PPP3R1: variants seen among roughly 807,000 people sequenced by gnomAD.
PPP3R1 encodes the protein protein phosphatase 3 regulatory subunit B, alpha.
In PPP3R1, 5 loss-of-function variants were observed where a neutral mutation model predicts 22.6. The ratio of observed to expected loss-of-function variants is 0.22; its 90% CI spans 0.12 to 0.46. The LOEUF is 0.46. Among genes scored for constraint, PPP3R1 ranks in the 20% least tolerant of loss-of-function variants. The pLI is 0.99. For synonymous variants in PPP3R1, 56 were observed against 65.2 expected (o/e 0.86, Z 0.68); for missense variants, 61 against 203.2 (o/e 0.30, Z 4.25).
At chr2:68,182,158 C>T (rs1433254061) in intron 5 of PPP3R1, among the ~76,000 whole-genome samples, 1 of 140,020 alleles carries the variant, frequency 7.1e-6, no homozygotes, top group Non-Finnish European at 1.5e-5. Context: ...TCTTTCGTGT[C>T]TAGCTTCTCT....
At chr2:68,199,929 T>C (rs1405370804) in intron 2 of PPP3R1, among the ~76,000 whole-genome samples, 2 of 152,176 alleles carry the variant, frequency 1.3e-5, no homozygotes, top group African/African-American at 4.8e-5. Context: ...GGTATTACCA[T>C]CAAGGTAATG....
At chr2:68,198,346 T>C (rs13030798) in intron 2 of PPP3R1, among the ~76,000 whole-genome samples, 2,669 of 78,106 alleles carry the variant, frequency 0.034, 97 homozygotes, top group African/African-American at 0.059. Flanking sequence ...TATGTACATG[T>C]ATATGCATAT....
At chr2:68,232,217 G>A (rs1335676291) in intron 1 of PPP3R1, among the ~76,000 whole-genome samples, 33 of 27,584 alleles carry the variant, frequency 1.2e-3, no homozygotes, top group Middle Eastern at 0.025. Flanking sequence ...TATTGTATAT[G>A]TATATATGTG....
chr2:68,195,774 T>C (rs1224454499), intron 2 of PPP3R1, among the ~76,000 whole-genome samples: 4 of 152,324 alleles, frequency 2.6e-5, no homozygotes, highest in Non-Finnish European at 5.9e-5. Context: ...ATGAGTATTT[T>C]AGTACATGAA....
chr2:68,244,890 G>A (rs1046023646), intron 1 of PPP3R1, among the ~76,000 whole-genome samples: 9 of 152,086 alleles, frequency 5.9e-5, no homozygotes, highest in East Asian at 3.8e-4. Flanking sequence ...ATATAAGAAC[G>A]AAAAGACAAA....
At position 68,217,144 on chromosome 2, in the gene PPP3R1, A is replaced by G; in HGVS notation, c.4-13T>C. ...TTGCCTCATTTCCCTGGGGGGAAAG[A>G]AAGAAATAATTAGTCATAAAATAGG... is the stretch of plus-strand genomic sequence containing the variant. On this transcript the variant is annotated splice_polypyrimidine_tract_variant and intron_variant, in intron 1 of 5. Coordinates refer to ENST00000234310, the MANE Select transcript of PPP3R1 (RefSeq NM_000945.4). 1.9e-6 allele frequency: 3 copies of G among 1,574,404 alleles called. No homozygotes were observed. Among genetic ancestry groups the G allele is most frequent in the Non-Finnish European group, 2.6e-6 (3 of 1,152,066 alleles).
chr2:68,183,962 C>G (rs977506074), intron 5 of PPP3R1, among the ~76,000 whole-genome samples: 2 of 152,144 alleles, frequency 1.3e-5, no homozygotes, highest in African/African-American at 2.4e-5. Flanking sequence ...CTTACCTAGA[C>G]AGTGTAAGTC....
chr2:68,236,702 T>A (rs1558642955), intron 1 of PPP3R1, among the ~76,000 whole-genome samples: 1 of 152,146 alleles, frequency 6.6e-6, no homozygotes, highest in Non-Finnish European at 1.5e-5. Flanking sequence ...AATAAAATAC[T>A]GATGAGGTTG....
At chr2:68,224,420 G>C (rs1251870966) in intron 1 of PPP3R1, among the ~76,000 whole-genome samples, 1 of 152,134 alleles carries the variant, frequency 6.6e-6, no homozygotes, top group Non-Finnish European at 1.5e-5. Flanking sequence ...CAGCACTTTG[G>C]GAGGCCGAGG....
chr2:68,251,346 AAG>A (rs1401040118), intron 1 of PPP3R1, among the ~76,000 whole-genome samples: 5 of 152,208 alleles, frequency 3.3e-5, no homozygotes, highest in Non-Finnish European at 5.9e-5. Context: ...CAACCACTCC[AAG>A]AGAGAGACAC....
chr2:68,198,477 G>GTA (rs909273896), intron 2 of PPP3R1, among the ~76,000 whole-genome samples: 4 of 149,640 alleles, frequency 2.7e-5, no homozygotes, highest in Admixed American at 6.7e-5. Flanking sequence ...ATATGCGTAT[G>GTA]TATATATATG....
intron 2 of PPP3R1, among the ~76,000 whole-genome samples, chr2:68,211,027 A>G (rs1669469501): frequency 6.6e-6 from 1 of 152,212 alleles, no homozygotes; most frequent in Non-Finnish European, 1.5e-5. Context: ...CAGTGCATAT[A>G]AAAGTTATAT....
At chr2:68,202,559 G>A (rs934923561) in intron 2 of PPP3R1, among the ~76,000 whole-genome samples, 1 of 151,870 alleles carries the variant, frequency 6.6e-6, no homozygotes, top group African/African-American at 2.4e-5. Flanking sequence ...CAAGTAGCTG[G>A]GATTACGGGC....
At chr2:68,217,218 A>G in intron 1 of PPP3R1, 87 bp from the exon 2 acceptor site, 1 of 921,834 alleles carries the variant, frequency 1.1e-6, no homozygotes, top group Non-Finnish European at 1.7e-6. Flanking sequence ...GTCAAAAAAC[A>G]TAGGGAAATA....
rs890130939 is a variant in PPP3R1 at position 68,234,066 on chromosome 2, G to C, written c.4-16935C>G. On this transcript the variant is annotated intron_variant, in intron 1 of 5. Transcript: ENST00000234310. The stretch of plus-strand genomic sequence containing the variant: ...AGAGGTTATAAAGAAGCTTAAGGCC[G>C]GGCACGGTGGCTCACGCCTGTAATC... Among the ~76,000 whole-genome samples, 3 of 152,168 alleles carry C rather than the reference G, an allele frequency of 2.0e-5. No homozygotes were observed. In the East Asian group the frequency reaches 5.8e-4, roughly 29 times the overall value.
intron 1 of PPP3R1, among the ~76,000 whole-genome samples, chr2:68,242,513 C>T (rs1670155921): frequency 6.6e-6 from 1 of 152,056 alleles, no homozygotes; most frequent in Non-Finnish European, 1.5e-5. Context: ...GACTGCCAGA[C>T]AGCAAGATAC....
At chr2:68,229,926 AT>A in intron 1 of PPP3R1, among the ~76,000 whole-genome samples, 1 of 149,082 alleles carries the variant, frequency 6.7e-6, no homozygotes, top group South Asian at 2.1e-4. Context: ...GTGTATATAT[AT>A]GTGTGTGTAT....
rs139302915 is a variant in PPP3R1, at chr2:68,242,726, T to C, written c.3+9399A>G. Among the ~76,000 whole-genome samples, 217 of 152,296 alleles carry C rather than the reference T, an allele frequency of 1.4e-3. 1 individual carries two copies. Among genetic ancestry groups the C allele is most frequent in the African/African-American group, 4.6e-3 (190 of 41,576 alleles). On this transcript the variant is annotated intron_variant, in intron 1 of 5. Coordinates refer to ENST00000234310, the MANE Select transcript of PPP3R1 (RefSeq NM_000945.4). ...TTAAAGATTGCCTTACAAGAAATAC[T>C]AGACAATGCCAGCATACTGCATGCC...
chr2:68,227,042 A>C (rs1669796767), intron 1 of PPP3R1, among the ~76,000 whole-genome samples: 1 of 152,060 alleles, frequency 6.6e-6, no homozygotes, highest in African/African-American at 2.4e-5. Context: ...ACTCTACTAG[A>C]TAAAGATGTC....
Sources: gnomAD v4.1 joint callset for allele counts (sites outside exome capture counted in the v4.1 genomes callset) on GRCh38, gnomAD v4.1.1 for gene constraint, MANE v1.5 for transcripts, NCBI Gene and HGNC (gene_info 2026-07-23, HGNC 2026-07-21) for gene names.